The following RAD52 variants were observed in gnomAD, a reference collection of about 807,000 sequenced individuals.
RAD52 encodes the protein RAD52 DNA repair protein, also known as DNA repair protein RAD52 homolog.
In RAD52, 47 loss-of-function variants were observed where a neutral mutation model predicts 55.5. That is an observed-to-expected ratio of 0.85 (90% confidence interval 0.67 to 1.08). The LOEUF (loss-of-function observed/expected upper bound fraction) is 1.08. Among genes scored for constraint, RAD52 ranks in the 50% least tolerant of loss-of-function variants. The probability of loss-of-function intolerance (pLI) is 0.00; values close to 1 mark genes in which losing one functional copy is unlikely to be tolerated. For missense variants in RAD52, 468 were observed against 522.8 expected, an observed-to-expected ratio of 0.90 and a Z score of 1.02; for synonymous variants, 184 against 198.9, an observed-to-expected ratio of 0.92 and a Z score of 0.63.
intron 7 of RAD52, among the ~76,000 whole-genome samples, chr12:919,309 G>T (rs943208357): frequency 6.6e-6 from 1 of 152,160 alleles, no homozygotes. Flanking sequence ...AGCCGGGCAT[G>T]GTGGCGGGCG....
At chr12:959,960 A>T (rs1391226299) in intron 1 of RAD52, among the ~76,000 whole-genome samples, 1 of 152,160 alleles carries the variant, frequency 6.6e-6, no homozygotes, top group African/African-American at 2.4e-5. Context: ...GCAAATACAA[A>T]GGTCCAGAGG....
chr12:961,613 C>T (rs1295817165), intron 1 of RAD52, among the ~76,000 whole-genome samples: 1 of 151,980 alleles, frequency 6.6e-6, no homozygotes, highest in Non-Finnish European at 1.5e-5. Context: ...GTATTCCCAG[C>T]ACTTTGGGAG....
chr12:953,679 C>T (rs1183224254), upstream of RAD52, among the ~76,000 whole-genome samples: 1 of 152,162 alleles, frequency 6.6e-6, no homozygotes, highest in Non-Finnish European at 1.5e-5. Context: ...TGTTTTAAGC[C>T]ACCCAGTTGT....
intron 1 of RAD52, among the ~76,000 whole-genome samples, chr12:984,042 G>T (rs377655474): frequency 6.6e-6 from 1 of 152,108 alleles, no homozygotes; most frequent in African/African-American, 2.4e-5. Flanking sequence ...GTATAGTTCT[G>T]TGGCATTAAG....
At chr12:963,110 G>C (rs1241094754) in intron 1 of RAD52, among the ~76,000 whole-genome samples, 1 of 152,066 alleles carries the variant, frequency 6.6e-6, no homozygotes, top group Non-Finnish European at 1.5e-5. Flanking sequence ...AAGTAGAAGA[G>C]TAATTTTTTT....
chr12:968,549 C>G (rs1448418351), intron 1 of RAD52, among the ~76,000 whole-genome samples: 1 of 152,110 alleles, frequency 6.6e-6, no homozygotes, highest in African/African-American at 2.4e-5. Flanking sequence ...TCTCCAGAGG[C>G]ATTTATTGAA....
intron 1 of RAD52, among the ~76,000 whole-genome samples, chr12:945,767 GT>G (rs1343607670): frequency 2.0e-5 from 3 of 148,390 alleles, no homozygotes; most frequent in Non-Finnish European, 3.0e-5. Flanking sequence ...TGGGAACCCA[GT>G]AATCCCAGCA....
chr12:990,391 C>A (rs568366591), upstream of RAD52: 3 of 152,268 alleles, frequency 2.0e-5, no homozygotes, highest in East Asian at 5.8e-4. Flanking sequence ...AAAACCAAAG[C>A]CGGCTGCGAG....
At chr12:942,806 A>G (rs953175896) in intron 1 of RAD52, among the ~76,000 whole-genome samples, 8 of 152,082 alleles carry the variant, frequency 5.3e-5, no homozygotes. Context: ...GCCTGAAGGT[A>G]GCCAAGATTT....
At chr12:921,666 G>C (rs561915324) in intron 7 of RAD52, among the ~76,000 whole-genome samples, 1 of 152,042 alleles carries the variant, frequency 6.6e-6, no homozygotes, top group African/African-American at 2.4e-5. Flanking sequence ...TTCCAGCCTG[G>C]GTGACAGGGC....
At chr12:972,537 A>C (rs111778466) in intron 1 of RAD52, among the ~76,000 whole-genome samples, 2,063 of 151,664 alleles carry the variant, frequency 0.014, 50 homozygotes, top group African/African-American at 0.047. Flanking sequence ...GAGGCCGAGG[A>C]GGGCGGATCA....
intron 1 of RAD52, among the ~76,000 whole-genome samples, chr12:963,284 T>A (rs900651157): frequency 1.3e-5 from 2 of 152,222 alleles, no homozygotes; most frequent in African/African-American, 4.8e-5. Flanking sequence ...ATACCTCTCA[T>A]TCATTCGTTC....
chr12:973,650 GTAT>G (rs1958898196), intron 1 of RAD52, among the ~76,000 whole-genome samples: 1 of 151,516 alleles, frequency 6.6e-6, no homozygotes, highest in African/African-American at 2.4e-5. Context: ...GCTAAATTTT[GTAT>G]TTTTTGTAGA....
At chr12:982,964 C>T (rs2154122002) in intron 1 of RAD52, among the ~76,000 whole-genome samples, 1 of 152,186 alleles carries the variant, frequency 6.6e-6, no homozygotes, top group South Asian at 2.1e-4. Context: ...ATTCTCTTGC[C>T]TCAGCCTCCC....
In RAD52 at chr12:919,881, C is replaced by A. The variant is rs1441452743; in HGVS notation, c.544-3061G>T. Among the ~76,000 whole-genome samples, 2 of 118,136 alleles carry A rather than the reference C, an allele frequency of 1.7e-5. 1 individual carries two copies. The highest frequency in any genetic ancestry group is 4.5e-4 in the East Asian group (2 of 4,454). The allele number at this position is 118,136 out of a possible 152,430, so 77.5% of individuals were successfully genotyped here. ...CAGCCTGACCAACATGGTGAAACCC[C>A]CTCTCTACAAAATACAAAAAATTAG... On this transcript the variant is annotated intron_variant, in intron 7 of 11. Coordinates refer to ENST00000358495, the MANE Select transcript of RAD52 (RefSeq NM_134424.4).
At chr12:961,171 G>A (rs1433630223) in intron 1 of RAD52, among the ~76,000 whole-genome samples, 3 of 151,698 alleles carry the variant, frequency 2.0e-5, no homozygotes, top group African/African-American at 4.8e-5. Context: ...TTAGCTGGGC[G>A]TGGTGGCAGG....
rs1958811782 is a variant in RAD52 at position 969,441 on chromosome 12, T to G, written c.-19+20368A>C. On this transcript the variant is annotated intron_variant, in intron 1 of 11. Transcript: ENST00000430095. ...ATATGAAATAGACATTTTACTTATT[T>G]TATTATATATATAATCACAATTTAT... Among the ~76,000 whole-genome samples, 2 of 151,948 alleles carry G rather than the reference T, an allele frequency of 1.3e-5. 1 individual carries two copies. Among genetic ancestry groups the G allele is most frequent in the African/African-American group, 4.8e-5 (2 of 41,314 alleles).
intron 1 of RAD52, among the ~76,000 whole-genome samples, chr12:978,575 C>G (rs1373795889): frequency 6.6e-6 from 1 of 152,014 alleles, no homozygotes; most frequent in East Asian, 1.9e-4. Context: ...CCAAGGTGGA[C>G]AGATTGCCTG....
At chr12:919,585 C>A (rs192324762) in intron 7 of RAD52, among the ~76,000 whole-genome samples, 1 of 151,406 alleles carries the variant, frequency 6.6e-6, no homozygotes, top group African/African-American at 2.4e-5. Flanking sequence ...CCCCGCTCTA[C>A]TAAAAAATAC....
Sources: gnomAD v4.1 joint callset for allele counts (sites outside exome capture counted in the v4.1 genomes callset) on GRCh38, gnomAD v4.1.1 for gene constraint, MANE v1.5 for transcripts, NCBI Gene and HGNC (gene_info 2026-07-23, HGNC 2026-07-21) for gene names.